The following MLH3 variants were observed in gnomAD, a reference collection of about 807,000 sequenced individuals.
The protein encoded by MLH3 is mutL homolog 3, also known as DNA mismatch repair protein Mlh3.
In MLH3, 82 loss-of-function variants were observed where a neutral mutation model predicts 122.2. That is an observed-to-expected ratio of 0.67 (90% CI 0.56 to 0.81). The LOEUF is 0.81. MLH3 is among the 30% of genes least tolerant of loss of function. The pLI is 0.00. For missense variants in MLH3, 1,539 were observed against 1,714.5 expected (o/e 0.90, Z 1.81); for synonymous variants, 524 against 599.5 (o/e 0.87, Z 1.84).
chr14:75,039,698 C>A (rs1007373534), intron 5 of MLH3, among the ~76,000 whole-genome samples: 9 of 151,460 alleles, frequency 5.9e-5, no homozygotes, highest in Admixed American at 3.3e-4. Flanking sequence ...AAAGATATTT[C>A]TTTCTTTGTA....
At chr14:75,022,174 G>A (rs907865500) in intron 11 of MLH3, among the ~76,000 whole-genome samples, 1 of 152,178 alleles carries the variant, frequency 6.6e-6, no homozygotes, top group Non-Finnish European at 1.5e-5. Flanking sequence ...AGGGTGGAGG[G>A]TGGGAGGTGG....
At chr14:75,025,967 G>T (rs1029900988) in intron 9 of MLH3, among the ~76,000 whole-genome samples, 1 of 152,002 alleles carries the variant, frequency 6.6e-6, no homozygotes, top group African/African-American at 2.4e-5. Context: ...AAGTCCTCTT[G>T]CTTCTGCCTC....
chr14:75,023,788 G>A (rs544747060), intron 9 of MLH3, among the ~76,000 whole-genome samples: 77 of 152,224 alleles, frequency 5.1e-4, no homozygotes, highest in African/African-American at 1.8e-3. Context: ...CCTGGAAAAG[G>A]CTATGTGTAA....
At chr14:75,027,142 T>C (rs958872606) in intron 9 of MLH3, among the ~76,000 whole-genome samples, 3 of 151,818 alleles carry the variant, frequency 2.0e-5, no homozygotes, top group African/African-American at 7.3e-5. Context: ...TCAAAAGTAG[T>C]GAAATATTTT....
chr14:75,015,017 C>T lies in MLH3; in HGVS notation c.*2065G>A, dbSNP rs577626329. The T allele has an allele frequency of 5.6e-6, 1 of 178,708 alleles. No individual in the cohort carries two copies. Among genetic ancestry groups the T allele is most frequent in the Non-Finnish European group, 1.2e-5 (1 of 83,238 alleles). The allele number at this position is 178,708 out of a possible 1,614,324, so 11.1% of individuals were successfully genotyped here. A position where few individuals can be genotyped will look rare whatever the true frequency, so the allele number is the denominator to read the frequency against. On this transcript the variant is annotated 3_prime_UTR_variant, in exon 13 of 13. Transcript: ENST00000355774. ...CTTTGTAAAATGGTGATAAAGCTAC[C>T]ACCTTACCTCATGGACTGTCAAGAA...
Position 75,017,000 on chromosome 14 carries a change from G to A in MLH3, c.*82C>T, listed in dbSNP as rs2139281767. 1.3e-6 allele frequency: 2 copies of A among 1,549,012 alleles called. No homozygotes were observed. Among genetic ancestry groups the A allele is most frequent in the Non-Finnish European group, 1.8e-6 (2 of 1,125,984 alleles). On this transcript the variant is annotated 3_prime_UTR_variant, in exon 13 of 13. Coordinates refer to ENST00000355774, the MANE Select transcript of MLH3 (RefSeq NM_001040108.2). The stretch of plus-strand genomic sequence containing the variant: ...ACTGGGCTGATTCAGTCAGGGCCGT[G>A]CTGGTACCTGCTGCTGCTGCTCTCT...
At chr14:75,043,798 TA>T (rs1317775395) in intron 2 of MLH3, among the ~76,000 whole-genome samples, 4 of 152,180 alleles carry the variant, frequency 2.6e-5, no homozygotes, top group African/African-American at 9.7e-5. Context: ...TTCTGTACAT[TA>T]AAATGTATCT....
At position 75,047,541 on chromosome 14, in the gene MLH3, T is replaced by C; in HGVS notation, c.2115A>G (p.Gln705=). 6.2e-7 allele frequency: 1 copy of C among 1,614,036 alleles called. No homozygotes were observed. The part of the protein sequence containing the change: ...SAFQEGSKKS[Q]TDCILSDTSP... ...ATGTATCAGATAATATGCAATCTGT[T>C]TGTGATTTTTTGCTACCTTCCTGAA... Residue 705 remains glutamine (Q), a synonymous_variant, in exon 2 of 13, where the codon CAA becomes CAG. Coordinates refer to ENST00000355774, the MANE Select transcript of MLH3 (RefSeq NM_001040108.2).
At position 75,049,156 on chromosome 14, in the gene MLH3, T is replaced by A; in HGVS notation, c.500A>T (p.Glu167Val). Reference sequence around the variant, plus strand: ...TATTCTCTGCCTAACCTTCTCAAACTCCAGTCTAGGGTCCATGCATTTCCT... The same window carrying A: ...TATTCTCTGCCTAACCTTCTCAAACACCAGTCTAGGGTCCATGCATTTCCT... Reference protein sequence around the residue: ...VRRKCMDPRLEFEKVRQRIEA... With the variant: ...VRRKCMDPRLVFEKVRQRIEA... Residue 167 changes from glutamate (E) to valine (V), a missense_variant, in exon 2 of 13, where the codon GAG (glutamate) becomes GTG (valine). By Grantham distance (121) the Glu-to-Val change is moderately radical (BLOSUM62 -2). Coordinates refer to ENST00000355774, the MANE Select transcript of MLH3 (RefSeq NM_001040108.2). The A allele has an allele frequency of 6.2e-7, 1 of 1,614,152 alleles. No individual in the cohort carries two copies. The highest frequency in any genetic ancestry group is 8.5e-7 in the Non-Finnish European group (1 of 1,180,018).
At chr14:75,035,062 CAAAAAAAAAAA>C (rs36096670) in intron 6 of MLH3, among the ~76,000 whole-genome samples, 1 of 40,248 alleles carries the variant, frequency 2.5e-5, no homozygotes, top group East Asian at 7.6e-4. Context: ...GACTCCATCT[CAAAAAAAAAAA>C]AAAAAAAAAA....
chr14:75,040,074 C>T (rs1891731076), intron 4 of MLH3, 59 bp from the exon 5 acceptor site: 2 of 886,988 alleles, frequency 2.3e-6, no homozygotes, highest in Admixed American at 1.8e-5. Flanking sequence ...AATTGTTTTA[C>T]CAAAGATATC....
rs1030422931 is a variant in MLH3 at position 75,022,699 on chromosome 14, G to A, written c.4090+115C>T. On this transcript the variant is annotated intron_variant, in intron 11 of 12. Transcript: ENST00000355774. ...TATATTCAGTTTCTTGATCTAAATT[G>A]TATTCTCCAAGAGTCAAGTAGTAAA... is the stretch of plus-strand genomic sequence containing the variant. The A allele has an allele frequency of 4.3e-6, 4 of 934,836 alleles. No homozygotes were observed. In the East Asian group the frequency reaches 7.2e-5, roughly 17 times the overall value. 57.9% of individuals were successfully genotyped at this position (934,836 alleles called of 1,614,324 possible).
At position 75,013,955 on chromosome 14, in the gene MLH3, A is replaced by G. The variant is rs1291447103; in HGVS notation, c.*3127T>C. 1 of 187,248 alleles carries G rather than the reference A, an allele frequency of 5.3e-6. No homozygotes were observed. Among genetic ancestry groups the G allele is most frequent in the East Asian group, 8.6e-5 (1 of 11,676 alleles). The allele number at this position is 187,248 out of a possible 1,614,324, so 11.6% of individuals were successfully genotyped here. A position where few individuals can be genotyped will look rare whatever the true frequency, so the allele number is the denominator to read the frequency against. On this transcript the variant is annotated 3_prime_UTR_variant, in exon 13 of 13. Coordinates refer to ENST00000355774, the MANE Select transcript of MLH3 (RefSeq NM_001040108.2). ...AGCATACTGGCCGGTTCTCTCTGTTAGCAGACTTTTGCCAAGGGTTTGGAT... is the reference window on the plus strand; with the variant it reads ...AGCATACTGGCCGGTTCTCTCTGTTGGCAGACTTTTGCCAAGGGTTTGGAT...
intron 4 of MLH3, among the ~76,000 whole-genome samples, chr14:75,040,500 GAAT>G (rs749141142): frequency 1.1e-5 from 1 of 95,032 alleles, no homozygotes; most frequent in Admixed American, 1.1e-4. Context: ...AAGAATTTAT[GAAT>G]AATGAGTCTT....
In MLH3 at chr14:75,048,354, A is replaced by AT. The variant is rs1212794587; in HGVS notation, c.1301dup (p.Asn434LysfsTer4). 6.2e-7 allele frequency: 1 copy of AT among 1,613,302 alleles called. No homozygotes were observed. The highest frequency in any genetic ancestry group is 8.5e-7 in the Non-Finnish European group (1 of 1,179,836). ...AAATGTACAAAAATGCATCATTTGTATTTTTTCTGGTAGCTTCTGAATCCC... is the reference window on the plus strand; with the variant it reads ...AAATGTACAAAAATGCATCATTTGTATTTTTTTCTGGTAGCTTCTGAATCCC... On this transcript the variant is annotated frameshift_variant, in exon 2 of 13. Transcript: ENST00000355774. LOFTEE classifies it high-confidence loss of function.
In MLH3 at chr14:75,048,894, CACAA is replaced by C; in HGVS notation, c.758_761del (p.Phe253Ter). The stretch of plus-strand genomic sequence containing the variant: ...TTGTCCTTAAAACTAGTCTTTTGTT[CACAA>C]ACAAAAACTGCATATTCTTGTTGTA... On this transcript the variant is annotated frameshift_variant, in exon 2 of 13. Transcript: ENST00000355774. LOFTEE classifies it high-confidence loss of function. 6.2e-7 allele frequency: 1 copy of C among 1,613,610 alleles called. No homozygotes were observed. Among genetic ancestry groups the C allele is most frequent in the Non-Finnish European group, 8.5e-7 (1 of 1,179,804 alleles).
rs1889764037 is a variant in MLH3 at position 75,013,821 on chromosome 14, T to G, written c.*3261A>C. 8.9e-6 allele frequency: 2 copies of G among 225,166 alleles called. No individual in the cohort carries two copies. The highest frequency in any genetic ancestry group is 1.8e-5 in the Non-Finnish European group (2 of 113,138). 13.9% of individuals were successfully genotyped at this position (225,166 alleles called of 1,614,324 possible). A position where few individuals can be genotyped will look rare whatever the true frequency, so the allele number is the denominator to read the frequency against. ...GATGCAGATTCTTCAGCATTTTGTT[T>G]TCACAGACTCCCTTCTTTTCCCCTC... On this transcript the variant is annotated 3_prime_UTR_variant, in exon 13 of 13. Transcript: ENST00000355774.
Position 75,013,892 on chromosome 14 carries a change from A to G in MLH3, c.*3190T>C, listed in dbSNP as rs1267356654. ...CATCTCACCGTTGATGAGCAGCTTC[A>G]GCTTAGAGGGTAAAGACAGGCATGA... On this transcript the variant is annotated 3_prime_UTR_variant, in exon 13 of 13. Coordinates refer to ENST00000355774, the MANE Select transcript of MLH3 (RefSeq NM_001040108.2). 2 of 211,950 alleles carry G rather than the reference A, an allele frequency of 9.4e-6. No homozygotes were observed. Among genetic ancestry groups the G allele is most frequent in the African/African-American group, 2.3e-5 (1 of 44,112 alleles). 13.1% of individuals were successfully genotyped at this position (211,950 alleles called of 1,614,324 possible). A position where few individuals can be genotyped will look rare whatever the true frequency, so the allele number is the denominator to read the frequency against.
At chr14:75,039,878 T>C in intron 5 of MLH3, 33 bp downstream of exon 5, 1 of 553,478 alleles carries the variant, frequency 1.8e-6, no homozygotes, top group Admixed American at 2.7e-5. Flanking sequence ...TATATATATA[T>C]ATATTTATGA....
Sources: allele counts gnomAD v4.1 joint callset (sites outside exome capture counted in the v4.1 genomes callset), GRCh38; gene constraint gnomAD v4.1.1; transcripts MANE v1.5; gene names NCBI Gene and HGNC (gene_info 2026-07-23, HGNC 2026-07-21).